The following P4HTM variants were observed in gnomAD, a reference collection of about 807,000 sequenced individuals.
P4HTM encodes transmembrane prolyl 4-hydroxylase.
Under a neutral mutation model 55.3 loss-of-function variants are expected in P4HTM, and 33 were observed. The ratio of observed to expected loss-of-function variants is 0.60; its 90% CI spans 0.45 to 0.80. P4HTM has a LOEUF of 0.80. Ranked by LOEUF, P4HTM falls within the 30% of genes least tolerant of loss-of-function variation. P4HTM has a pLI of 0.00. For missense variants in P4HTM, 542 were observed against 696.5 expected, an observed-to-expected ratio of 0.78 and a Z score of 2.50; for synonymous variants, 272 against 286.4, an observed-to-expected ratio of 0.95 and a Z score of 0.51.
In P4HTM at chr3:49,007,057, T is replaced by A; in HGVS notation, c.*150T>A. 1.4e-6 allele frequency: 1 copy of A among 702,156 alleles called. No homozygotes were observed. Among genetic ancestry groups the A allele is most frequent in the Non-Finnish European group, 2.4e-6 (1 of 423,566 alleles). 43.5% of individuals were successfully genotyped at this position (702,156 alleles called of 1,614,324 possible). ...CGATACGGCGCAGTTCCTATATTCA[T>A]GTTATTTATTGTGTACTGACTCCAT... On this transcript the variant is annotated 3_prime_UTR_variant, in exon 9 of 9. Coordinates refer to ENST00000383729, the MANE Select transcript of P4HTM (RefSeq NM_177939.3). This position sits in a 1 kb window ranked among gnomAD's most constrained non-coding sequence, Gnocchi z 5.1.
At chr3:49,001,225 A>G (rs1290106241) in intron 2 of P4HTM, 2 of 598,578 alleles carry the variant, frequency 3.3e-6, no homozygotes, top group African/African-American at 1.8e-5. Flanking sequence ...CTCATCATCA[A>G]GAGAGGTCCC....
intron 4 of P4HTM, chr3:49,003,053 A>C: frequency 3.2e-6 from 1 of 311,414 alleles, no homozygotes; most frequent in Non-Finnish European, 6.3e-6. Flanking sequence ...CCTCTTGTCC[A>C]CCTGGAGTCA....
At chr3:48,997,138 A>G (rs1454109269) in intron 2 of P4HTM, 1 of 152,250 alleles carries the variant, frequency 6.6e-6, no homozygotes, top group Non-Finnish European at 1.5e-5. Flanking sequence ...ATGTGTTTCC[A>G]TGGAAGCACA....
intron 6 of P4HTM, chr3:49,005,479 C>A: frequency 7.4e-7 from 1 of 1,352,826 alleles, no homozygotes; most frequent in Non-Finnish European, 9.4e-7. Flanking sequence ...AGCCCTTCAG[C>A]GCGCCCTGTT....
In P4HTM at chr3:49,004,201, C is replaced by G; in HGVS notation, c.828C>G (p.His276Gln). 1 of 1,549,508 alleles carries G rather than the reference C, an allele frequency of 6.5e-7. No individual in the cohort carries two copies. The highest frequency in any genetic ancestry group is 8.7e-7 in the Non-Finnish European group (1 of 1,146,844). ...CCAGTGAGCTGGTGCGGAACAGCCA[C>G]CATACCTGGCTCTACCAGGGTGAGG... Reference protein sequence around the residue: ...AESSELVRNSHHTWLYQGEGA... With the variant: ...AESSELVRNSQHTWLYQGEGA... Residue 276 changes from histidine to glutamine, a missense_variant, in exon 5 of 9, where the codon CAC (histidine) becomes CAG (glutamine). Physicochemically the swap from His to Gln is conservative, Grantham distance 24 (BLOSUM62 0). Coordinates refer to ENST00000383729, the MANE Select transcript of P4HTM (RefSeq NM_177939.3).
chr3:48,990,398 C>A lies in P4HTM; in HGVS notation c.142C>A (p.Pro48Thr). 1 of 1,596,712 alleles carries A rather than the reference C, an allele frequency of 6.3e-7. No individual in the cohort carries two copies. Among genetic ancestry groups the A allele is most frequent in the Non-Finnish European group, 8.5e-7 (1 of 1,176,394 alleles). ...CGACGGCGAGGACGCACCGGTGCGTCCGCTGTGCAAGCCCCGCGGCATCTG... is the reference window on the plus strand; with the variant it reads ...CGACGGCGAGGACGCACCGGTGCGTACGCTGTGCAAGCCCCGCGGCATCTG... ...LGDGEDAPVR[P>T]LCKPRGICSR... The change falls in exon 1 of 9, where the codon CCG (proline) becomes ACG (threonine). Residue 48 changes from proline to threonine, a missense_variant. Around this residue, in one of 2 missense-constraint regions of P4HTM, gnomAD observed 536 missense variants for 672.1 expected, o/e 0.80. Coordinates refer to ENST00000383729, the MANE Select transcript of P4HTM (RefSeq NM_177939.3). The surrounding 1 kb of genome is among the most constrained non-coding windows in gnomAD (Gnocchi z 7.2).
intron 2 of P4HTM, among the ~76,000 whole-genome samples, chr3:48,995,889 C>T (rs1032679776): frequency 1.3e-5 from 2 of 152,106 alleles, no homozygotes; most frequent in East Asian, 1.9e-4. Flanking sequence ...CCCAGCCTCC[C>T]GCTAATTCTT....
intron 7 of P4HTM, 57 bp downstream of exon 7, chr3:49,005,924 G>A: frequency 1.3e-6 from 2 of 1,534,206 alleles, no homozygotes; most frequent in Middle Eastern, 3.5e-4. Flanking sequence ...GACAAGTGAA[G>A]TACACACCTC....
intron 2 of P4HTM, among the ~76,000 whole-genome samples, chr3:48,994,772 G>C (rs4072859): frequency 0.67 from 102,339 of 151,692 alleles, 34,979 homozygotes; most frequent in East Asian, 0.96. Flanking sequence ...CAGATCTCAT[G>C]GCTCTCTCTT....
chr3:49,002,458 C>A lies in P4HTM; in HGVS notation c.628-42C>A, dbSNP rs1176935492. On this transcript the variant is annotated intron_variant, in intron 3 of 8. Transcript: ENST00000383729. The surrounding 1 kb of genome is among the most constrained non-coding windows in gnomAD (Gnocchi z 4.4). ...GGCCATCTGTTCTCTGCTGGCTCTC[C>A]ATCACTGGGGTCACCCACTGAGGGA... 1 of 1,410,970 alleles carries A rather than the reference C, an allele frequency of 7.1e-7. No homozygotes were observed. Among genetic ancestry groups the A allele is most frequent in the South Asian group, 1.2e-5 (1 of 86,266 alleles). 87.4% of individuals were successfully genotyped at this position (1,410,970 alleles called of 1,614,324 possible).
At chr3:48,998,885 C>A (rs569130198) in intron 2 of P4HTM, among the ~76,000 whole-genome samples, 1 of 152,258 alleles carries the variant, frequency 6.6e-6, no homozygotes, top group East Asian at 1.9e-4. Flanking sequence ...GAAAAGGCCA[C>A]CAGAAGGGCC....
chr3:48,990,867 A>AT lies in P4HTM; in HGVS notation c.389_390insT (p.Arg131GlnfsTer23). The AT allele has an allele frequency of 6.2e-7, 1 of 1,613,990 alleles. No homozygotes were observed. The highest frequency in any genetic ancestry group is 8.5e-7 in the Non-Finnish European group (1 of 1,179,964). ...GAGCGTAAGGTCCAGCTGGTCACCG[A>AT]CAGGGATCACTTCATCCGAACCCTC... On this transcript the variant is annotated frameshift_variant, in exon 2 of 9. Coordinates refer to ENST00000383729, the MANE Select transcript of P4HTM (RefSeq NM_177939.3). LOFTEE classifies it high-confidence loss of function. This position sits in a 1 kb window ranked among gnomAD's most constrained non-coding sequence, Gnocchi z 7.2.
At position 49,002,484 on chromosome 3, in the gene P4HTM, C is replaced by A. The variant is rs762591331; in HGVS notation, c.628-16C>A. 32 of 1,595,322 alleles carry A rather than the reference C, an allele frequency of 2.0e-5. No homozygotes were observed. The highest frequency in any genetic ancestry group is 2.7e-5 in the Non-Finnish European group (31 of 1,163,130). ...ATCACTGGGGTCACCCACTGAGGGACCCTCTTATGCTTTAGGTTCTGGCCC... is the reference window on the plus strand; with the variant it reads ...ATCACTGGGGTCACCCACTGAGGGAACCTCTTATGCTTTAGGTTCTGGCCC... On this transcript the variant is annotated splice_polypyrimidine_tract_variant and intron_variant, in intron 3 of 8. Coordinates refer to ENST00000383729, the MANE Select transcript of P4HTM (RefSeq NM_177939.3). The surrounding 1 kb of genome is among the most constrained non-coding windows in gnomAD (Gnocchi z 4.4).
At chr3:48,998,099 A>G (rs1008910342) in intron 2 of P4HTM, 1 of 152,288 alleles carries the variant, frequency 6.6e-6, no homozygotes, top group Non-Finnish European at 1.5e-5. Flanking sequence ...CATTGAGTAC[A>G]GTTTACCTGA....
chr3:49,007,097 A>T lies in P4HTM; in HGVS notation c.*190A>T. 1 of 677,820 alleles carries T rather than the reference A, an allele frequency of 1.5e-6. No individual in the cohort carries two copies. The highest frequency in any genetic ancestry group is 2.4e-6 in the Non-Finnish European group (1 of 408,780). 42.0% of individuals were successfully genotyped at this position (677,820 alleles called of 1,614,324 possible). A position where few individuals can be genotyped will look rare whatever the true frequency, so the allele number is the denominator to read the frequency against. ...ACTGACTCCATCTGCCCCGTCAAAT[A>T]AAAAACCACAAGGTTCGAGCCGCCG... On this transcript the variant is annotated 3_prime_UTR_variant, in exon 9 of 9. Transcript: ENST00000383729. The surrounding 1 kb of genome is among the most constrained non-coding windows in gnomAD (Gnocchi z 5.1).
intron 2 of P4HTM, among the ~76,000 whole-genome samples, chr3:48,993,830 C>A (rs1246842149): frequency 2.1e-5 from 3 of 145,900 alleles, no homozygotes; most frequent in Non-Finnish European, 3.0e-5. Flanking sequence ...CCACTGTACT[C>A]CAGCCTGGGT....
intron 8 of P4HTM, among the ~76,000 whole-genome samples, 158 bp downstream of exon 8, chr3:49,006,345 C>A (rs1043862836): frequency 2.0e-5 from 3 of 152,244 alleles, no homozygotes; most frequent in Admixed American, 1.3e-4. Flanking sequence ...CTTTAGCAGA[C>A]TGCCCCAGGA....
chr3:49,007,107 A>C lies in P4HTM; in HGVS notation c.*200A>C. On this transcript the variant is annotated 3_prime_UTR_variant, in exon 9 of 9. Coordinates refer to ENST00000383729, the MANE Select transcript of P4HTM (RefSeq NM_177939.3). This position sits in a 1 kb window ranked among gnomAD's most constrained non-coding sequence, Gnocchi z 5.1. ...TCTGCCCCGTCAAATAAAAAACCAC[A>C]AGGTTCGAGCCGCCGGGCCCGACAA... 2.9e-6 allele frequency: 2 copies of C among 682,138 alleles called. No homozygotes were observed. The highest frequency in any genetic ancestry group is 4.8e-6 in the Non-Finnish European group (2 of 412,748). The allele number at this position is 682,138 out of a possible 1,614,324, so 42.3% of individuals were successfully genotyped here.
chr3:48,990,738 C>T lies in P4HTM; in HGVS notation c.355-95C>T. 6.7e-7 allele frequency: 1 copy of T among 1,502,002 alleles called. No individual in the cohort carries two copies. Among genetic ancestry groups the T allele is most frequent in the Non-Finnish European group, 9.1e-7 (1 of 1,104,544 alleles). The allele number at this position is 1,502,002 out of a possible 1,614,324, so 93.0% of individuals were successfully genotyped here. On this transcript the variant is annotated intron_variant, in intron 1 of 8. Coordinates refer to ENST00000383729, the MANE Select transcript of P4HTM (RefSeq NM_177939.3). This position sits in a 1 kb window ranked among gnomAD's most constrained non-coding sequence, Gnocchi z 7.2. The stretch of plus-strand genomic sequence containing the variant: ...CGTCGGTCCCGCGCGCTCCCACTCA[C>T]TCGCCTGCTGTCGCTCTCCGGGCCG...
Sources: allele counts gnomAD v4.1 joint callset (sites outside exome capture counted in the v4.1 genomes callset), GRCh38; gene constraint gnomAD v4.1.1; regional missense constraint gnomAD v4.1.1; non-coding constraint Gnocchi (gnomAD v3.1); transcripts MANE v1.5; gene names NCBI Gene and HGNC (gene_info 2026-07-23, HGNC 2026-07-21).